Variants in IQCH observed in about 807,000 individuals in gnomAD.
IQCH encodes IQ motif containing H.
In IQCH, 98 loss-of-function variants were observed where a neutral mutation model predicts 117.0. That is an observed-to-expected ratio of 0.84 (90% confidence interval 0.71 to 0.99). The LOEUF (loss-of-function observed/expected upper bound fraction) is 0.99. Ranked by LOEUF, IQCH falls within the 50% of genes least tolerant of loss-of-function variation. The pLI is 0.00. For synonymous variants in IQCH, 412 were observed against 448.2 expected, an observed-to-expected ratio of 0.92 and a Z score of 1.02; for missense variants, 1,102 against 1,243.8, an observed-to-expected ratio of 0.89 and a Z score of 1.72.
intron 5 of IQCH, among the ~76,000 whole-genome samples, chr15:67,340,116 A>G (rs1430535000): frequency 2.6e-5 from 4 of 152,172 alleles, no homozygotes; most frequent in African/African-American, 9.7e-5. Context: ...TCTATAACGC[A>G]TCAACCTTGA....
chr15:67,258,280 A>C (rs149829428), intron 1 of IQCH, among the ~76,000 whole-genome samples: 2 of 151,974 alleles, frequency 1.3e-5, no homozygotes, highest in Non-Finnish European at 1.5e-5. Context: ...CTGTAATCCC[A>C]GCACTTTAGG....
chr15:67,256,862 T>C (rs1380122185), intron 1 of IQCH, among the ~76,000 whole-genome samples: 2 of 152,098 alleles, frequency 1.3e-5, no homozygotes, highest in Admixed American at 1.3e-4. Context: ...TTAACCAGAT[T>C]ATTAAGACTG....
rs772681525 is a variant in IQCH at position 67,458,369 on chromosome 15, A to C, written c.2506-6758A>C. 6.6e-6 allele frequency among the ~76,000 whole-genome samples: 1 copy of C among 152,178 alleles called. No homozygotes were observed. Among genetic ancestry groups the C allele is most frequent in the Non-Finnish European group, 1.5e-5 (1 of 68,026 alleles). On this transcript the variant is annotated intron_variant, in intron 16 of 20. Coordinates refer to ENST00000335894, the MANE Select transcript of IQCH (RefSeq NM_001031715.3). This position sits in a 1 kb window ranked among gnomAD's most constrained non-coding sequence, Gnocchi z 4.1. ...TCCATCAATAAGTCCTTTTAGTTCT[A>C]CTTTTGAAAAATATCTATAATACAA...
rs1381044973 is a variant in IQCH at position 67,342,045 on chromosome 15, A to G, written c.509-2018A>G. On this transcript the variant is annotated intron_variant, in intron 5 of 20. Transcript: ENST00000335894. The surrounding 1 kb of genome is among the most constrained non-coding windows in gnomAD (Gnocchi z 4.7). ...CAGCACCTTGGGAGGCCAAGGCAGG[A>G]AGATTGCTTGAAACCGGGAGTTCAA... 6.6e-6 allele frequency among the ~76,000 whole-genome samples: 1 copy of G among 152,186 alleles called. No homozygotes were observed. The highest frequency in any genetic ancestry group is 1.9e-4 in the East Asian group (1 of 5,186).
chr15:67,348,740 AT>A (rs926167649), intron 6 of IQCH, among the ~76,000 whole-genome samples: 3 of 152,174 alleles, frequency 2.0e-5, no homozygotes, highest in South Asian at 2.1e-4. Flanking sequence ...TCTCAGTAAG[AT>A]TTTTTGTAGA....
chr15:67,389,858 G>A (rs1212048697), intron 12 of IQCH, among the ~76,000 whole-genome samples: 1 of 133,234 alleles, frequency 7.5e-6, no homozygotes, highest in Non-Finnish European at 1.6e-5. Flanking sequence ...CACTTCAGAT[G>A]TACCATGATT....
chr15:67,415,751 C>G (rs1319170782), intron 14 of IQCH, among the ~76,000 whole-genome samples: 2 of 152,178 alleles, frequency 1.3e-5, no homozygotes, highest in African/African-American at 4.8e-5. Context: ...AGAAGTTCCC[C>G]TGCAACCTAA....
At chr15:67,328,144 T>G (rs143873076) in intron 4 of IQCH, among the ~76,000 whole-genome samples, 3 of 120,446 alleles carry the variant, frequency 2.5e-5, no homozygotes, top group Admixed American at 1.8e-4. Flanking sequence ...GGGGGTTTTT[T>G]GTTTGTTTGT....
At chr15:67,333,298 C>A (rs1467248442) in intron 4 of IQCH, among the ~76,000 whole-genome samples, 2 of 152,202 alleles carry the variant, frequency 1.3e-5, no homozygotes, top group African/African-American at 2.4e-5. Flanking sequence ...CAAATCTGAA[C>A]AGAGCCTTCA....
In IQCH at chr15:67,279,386, C is replaced by T. The variant is rs780662440; in HGVS notation, c.270-9C>T. On this transcript the variant is annotated splice_polypyrimidine_tract_variant and intron_variant, in intron 3 of 20. Coordinates refer to ENST00000335894, the MANE Select transcript of IQCH (RefSeq NM_001031715.3). ...AATTTGATTTTAAATTCCATTTCTT[C>T]TTACTTAGGTTACTTCCAACTGTAA... 119 of 1,412,800 alleles carry T rather than the reference C, an allele frequency of 8.4e-5. No individual in the cohort carries two copies. The highest frequency in any genetic ancestry group is 1.1e-4 in the Non-Finnish European group (115 of 1,009,854). The allele number at this position is 1,412,800 out of a possible 1,614,324, so 87.5% of individuals were successfully genotyped here. A position where few individuals can be genotyped will look rare whatever the true frequency, so the allele number is the denominator to read the frequency against.
intron 14 of IQCH, among the ~76,000 whole-genome samples, chr15:67,415,495 G>C (rs56108040): frequency 0.44 from 66,928 of 151,608 alleles, 16,055 homozygotes; most frequent in Non-Finnish European, 0.55. Context: ...GGATATTTCG[G>C]AAGTTATTCA....
chr15:67,340,214 G>A (rs1285529672), intron 5 of IQCH, among the ~76,000 whole-genome samples: 1 of 152,058 alleles, frequency 6.6e-6, no homozygotes, highest in East Asian at 1.9e-4. Context: ...GATCACCTGA[G>A]GTGAGGAGTT....
chr15:67,395,656 C>T lies in IQCH; in HGVS notation c.1905+93C>T. On this transcript the variant is annotated intron_variant, in intron 13 of 20. Transcript: ENST00000335894. This position sits in a 1 kb window ranked among gnomAD's most constrained non-coding sequence, Gnocchi z 4.0. ...CCAAGTCTTCTGGAGCCAGACCTAC[C>T]CAATGAAGAATAGGTGGAATATTTG... 9.3e-7 allele frequency: 1 copy of T among 1,070,164 alleles called. No homozygotes were observed. Among genetic ancestry groups the T allele is most frequent in the Non-Finnish European group, 1.4e-6 (1 of 729,718 alleles). 66.3% of individuals were successfully genotyped at this position (1,070,164 alleles called of 1,614,324 possible).
intron 6 of IQCH, among the ~76,000 whole-genome samples, chr15:67,355,445 C>T (rs1180611336): frequency 6.6e-6 from 1 of 152,062 alleles, no homozygotes; most frequent in Non-Finnish European, 1.5e-5. Flanking sequence ...AAAAAATTAG[C>T]TGGGCGTGGT....
chr15:67,324,574 C>T (rs1444466299), intron 4 of IQCH, among the ~76,000 whole-genome samples: 1 of 142,304 alleles, frequency 7.0e-6, no homozygotes, highest in Non-Finnish European at 1.5e-5. Context: ...AGCTCCATTG[C>T]ACTCCAGCCT....
chr15:67,337,810 G>A (rs769375589), intron 5 of IQCH, among the ~76,000 whole-genome samples: 4 of 152,086 alleles, frequency 2.6e-5, no homozygotes, highest in Non-Finnish European at 4.4e-5. Context: ...TTAGTGAGAC[G>A]GTCTTTAATT....
At chr15:67,394,131 A>G (rs956523502) in intron 12 of IQCH, among the ~76,000 whole-genome samples, 2 of 152,088 alleles carry the variant, frequency 1.3e-5, no homozygotes, top group African/African-American at 4.8e-5. Flanking sequence ...GAGGAAAACA[A>G]TCTTGGATTA....
At position 67,336,893 on chromosome 15, in the gene IQCH, A is replaced by G. The variant is rs1478579483; in HGVS notation, c.388-82A>G. Reference sequence around the variant, plus strand: ...ATTAAAACTTAATGCAACTATTCATAACTTTATTTATTGTTTACAAGAAGA... The same window carrying G: ...ATTAAAACTTAATGCAACTATTCATGACTTTATTTATTGTTTACAAGAAGA... On this transcript the variant is annotated intron_variant, in intron 4 of 20. Transcript: ENST00000335894. 13 of 1,379,986 alleles carry G rather than the reference A, an allele frequency of 9.4e-6. No homozygotes were observed. In the East Asian group the frequency reaches 3.0e-4, roughly 32 times the overall value. 85.5% of individuals were successfully genotyped at this position (1,379,986 alleles called of 1,614,324 possible). A position where few individuals can be genotyped will look rare whatever the true frequency, so the allele number is the denominator to read the frequency against.
chr15:67,288,662 C>A (rs1275648517), intron 4 of IQCH, among the ~76,000 whole-genome samples: 2 of 152,040 alleles, frequency 1.3e-5, no homozygotes, highest in African/African-American at 4.8e-5. Context: ...TTCTTGTAGG[C>A]AACATATCAT....
Sources: gnomAD v4.1 joint callset for allele counts (sites outside exome capture counted in the v4.1 genomes callset) on GRCh38, gnomAD v4.1.1 for gene constraint, Gnocchi (gnomAD v3.1) non-coding constraint, MANE v1.5 for transcripts, NCBI Gene and HGNC (gene_info 2026-07-23, HGNC 2026-07-21) for gene names.